NTM: variants seen among roughly 807,000 people sequenced by gnomAD.
NTM encodes neurotrimin, also known as IgLON family member 2.
A neutral mutation model predicts 42.1 loss-of-function variants in NTM; 13 were observed. The observed-to-expected ratio is 0.31, with a 90% CI of 0.20 to 0.49. The LOEUF is 0.49. Ranked by LOEUF, NTM falls within the 20% of genes least tolerant of loss-of-function variation. The pLI, the probability that NTM is intolerant of heterozygous loss-of-function variation, is 0.99. For missense variants in NTM, 373 were observed against 452.8 expected (o/e 0.82, Z 1.60); for synonymous variants, 187 against 179.2 (o/e 1.04, Z -0.35).
intron 1 of NTM, among the ~76,000 whole-genome samples, chr11:131,865,854 CAT>C (rs1370512823): frequency 7.0e-6 from 1 of 143,380 alleles, no homozygotes; most frequent in Non-Finnish European, 1.5e-5. Context: ...CACACTCACA[CAT>C]GCTACATACA....
intron 1 of NTM, chr11:131,660,389 G>A (rs1388026973): frequency 4.5e-6 from 2 of 445,596 alleles, no homozygotes; most frequent in East Asian, 7.0e-5. Context: ...AGGGGGTGAG[G>A]GTGAGGGAGG....
intron 1 of NTM, among the ~76,000 whole-genome samples, chr11:131,876,069 G>A (rs1392745198): frequency 6.6e-6 from 1 of 152,240 alleles, no homozygotes; most frequent in African/African-American, 2.4e-5. Context: ...TGTGGCATTT[G>A]AAGGGGGATA....
At chr11:131,758,666 C>T (rs981166994) in intron 1 of NTM, among the ~76,000 whole-genome samples, 1 of 151,844 alleles carries the variant, frequency 6.6e-6, no homozygotes, top group South Asian at 2.1e-4. Flanking sequence ...AATCTTGGCT[C>T]ACTGCAACCT....
chr11:131,516,380 C>A (rs1262423962), intron 1 of NTM, among the ~76,000 whole-genome samples: 1 of 152,076 alleles, frequency 6.6e-6, no homozygotes, highest in East Asian at 1.9e-4. Flanking sequence ...TGACCCTTTT[C>A]TTTTTATTTT....
At chr11:131,505,031 G>A (rs1355745872) in intron 1 of NTM, among the ~76,000 whole-genome samples, 2 of 152,128 alleles carry the variant, frequency 1.3e-5, no homozygotes, top group African/African-American at 4.8e-5. Flanking sequence ...CCACAGTGGG[G>A]TATACTGCAG....
chr11:131,821,515 A>G (rs1042475724), intron 1 of NTM, among the ~76,000 whole-genome samples: 1 of 152,242 alleles, frequency 6.6e-6, no homozygotes, highest in African/African-American at 2.4e-5. Context: ...GTGGACCACA[A>G]TCAAATACTT....
chr11:131,610,319 T>G (rs1299627234), intron 1 of NTM, among the ~76,000 whole-genome samples: 1 of 152,212 alleles, frequency 6.6e-6, no homozygotes, highest in Non-Finnish European at 1.5e-5. Context: ...AACCCAGCTC[T>G]TTCCACCCAA....
chr11:131,990,968 C>G (rs1425289960), intron 2 of NTM, among the ~76,000 whole-genome samples: 1 of 152,114 alleles, frequency 6.6e-6, no homozygotes, highest in African/African-American at 2.4e-5. Flanking sequence ...GATATACATA[C>G]TGTCTAACCT....
chr11:131,860,370 C>G (rs1384998727), intron 1 of NTM, among the ~76,000 whole-genome samples: 2 of 152,164 alleles, frequency 1.3e-5, no homozygotes, highest in African/African-American at 2.4e-5. Flanking sequence ...CCATGTGAGA[C>G]TTTCTTATGC....
At chr11:131,595,118 G>C (rs927903910) in intron 1 of NTM, among the ~76,000 whole-genome samples, 1 of 152,196 alleles carries the variant, frequency 6.6e-6, no homozygotes, top group Non-Finnish European at 1.5e-5. Flanking sequence ...CATTTGGGGA[G>C]GAAAGGCAGT....
chr11:131,472,205 G>A (rs1952499669), intron 1 of NTM, among the ~76,000 whole-genome samples: 1 of 152,166 alleles, frequency 6.6e-6, no homozygotes, highest in Non-Finnish European at 1.5e-5. Context: ...TGACACATGA[G>A]GAAGTCAGCC....
intron 1 of NTM, among the ~76,000 whole-genome samples, chr11:131,655,164 G>T (rs2097644343): frequency 6.6e-6 from 1 of 152,214 alleles, no homozygotes; most frequent in Admixed American, 6.5e-5. Context: ...GGATTCTGAG[G>T]TGATGGGGTT....
chr11:131,861,747 A>G (rs550492041), intron 1 of NTM, among the ~76,000 whole-genome samples: 39 of 152,092 alleles, frequency 2.6e-4, no homozygotes, highest in Non-Finnish European at 4.6e-4. Flanking sequence ...AAGAAAAAAA[A>G]AGAGAGAGAG....
chr11:132,085,688 T>C (rs999962978), intron 2 of NTM, among the ~76,000 whole-genome samples: 9 of 152,236 alleles, frequency 5.9e-5, no homozygotes, highest in African/African-American at 2.2e-4. Context: ...AGCTCTTTTT[T>C]ATAGATATCA....
intron 1 of NTM, among the ~76,000 whole-genome samples, chr11:131,857,532 C>T (rs748807): frequency 0.48 from 73,084 of 151,942 alleles, 18,293 homozygotes; most frequent in Admixed American, 0.6. Flanking sequence ...ATGCATTACT[C>T]CTTGCTGCTA....
intron 2 of NTM, among the ~76,000 whole-genome samples, chr11:131,992,145 C>T (rs778508773): frequency 6.6e-6 from 1 of 152,140 alleles, no homozygotes; most frequent in East Asian, 1.9e-4. Context: ...TCTTCCTCCA[C>T]CCCCTCAAAC....
intron 2 of NTM, among the ~76,000 whole-genome samples, chr11:132,101,297 C>T (rs1324325273): frequency 2.0e-5 from 3 of 152,152 alleles, no homozygotes; most frequent in Non-Finnish European, 4.4e-5. Flanking sequence ...GGCTGAGCAG[C>T]AGCCATTTCT....
intron 2 of NTM, among the ~76,000 whole-genome samples, chr11:132,022,343 G>A (rs1487278491): frequency 6.6e-6 from 1 of 152,218 alleles, no homozygotes; most frequent in East Asian, 1.9e-4. Flanking sequence ...ATATTTGACA[G>A]TCTTCTTTCT....
At chr11:132,092,983 C>A (rs531337709) in intron 2 of NTM, among the ~76,000 whole-genome samples, 1 of 152,322 alleles carries the variant, frequency 6.6e-6, no homozygotes, top group African/African-American at 2.4e-5. Flanking sequence ...TGGCCCTGAT[C>A]CAATTCATTC....
Sources: gnomAD v4.1 joint callset for allele counts (sites outside exome capture counted in the v4.1 genomes callset) on GRCh38, gnomAD v4.1.1 for gene constraint, MANE v1.5 for transcripts, NCBI Gene and HGNC (gene_info 2026-07-23, HGNC 2026-07-21) for gene names.